EHBP1: variants seen among roughly 807,000 people sequenced by gnomAD.
EHBP1 encodes the protein EH domain-binding protein 1.
A neutral mutation model predicts 144.0 loss-of-function variants in EHBP1; 55 were observed. The observed-to-expected ratio is 0.38, with a 90% CI of 0.31 to 0.48. EHBP1 has a LOEUF of 0.48. Ranked by LOEUF, EHBP1 falls within the 20% of genes least tolerant of loss-of-function variation. The probability of loss-of-function intolerance (pLI) is 0.98; values close to 1 mark genes in which losing one functional copy is unlikely to be tolerated. For synonymous variants in EHBP1, 469 were observed against 472.7 expected, an observed-to-expected ratio of 0.99 and a Z score of 0.10; for missense variants, 1,200 against 1,364.2, an observed-to-expected ratio of 0.88 and a Z score of 1.90.
intron 5 of EHBP1, among the ~76,000 whole-genome samples, chr2:62,785,331 A>T (rs1291748108): frequency 6.6e-6 from 1 of 152,234 alleles, no homozygotes; most frequent in Non-Finnish European, 1.5e-5. Context: ...CAGATAGGCA[A>T]CTGATTCAGT....
At chr2:62,891,894 A>G (rs1316404493) in intron 10 of EHBP1, among the ~76,000 whole-genome samples, 1 of 152,162 alleles carries the variant, frequency 6.6e-6, no homozygotes, top group Admixed American at 6.5e-5. Flanking sequence ...TAATGATCTT[A>G]TTGAAAAGCA....
intron 15 of EHBP1, among the ~76,000 whole-genome samples, chr2:62,983,334 A>T (rs910593253): frequency 6.6e-6 from 1 of 152,058 alleles, no homozygotes; most frequent in Admixed American, 6.6e-5. Context: ...TACGTATTAA[A>T]TTTTTGTTAA....
chr2:62,960,260 A>AT (rs1291387769), intron 14 of EHBP1, among the ~76,000 whole-genome samples: 1 of 151,834 alleles, frequency 6.6e-6, no homozygotes, highest in African/African-American at 2.4e-5. Context: ...TTACAGCCTC[A>AT]TTTCTTACCT....
chr2:62,751,558 A>G (rs756054972), intron 3 of EHBP1, among the ~76,000 whole-genome samples: 5 of 152,156 alleles, frequency 3.3e-5, no homozygotes, highest in Non-Finnish European at 4.4e-5. Flanking sequence ...CAGAAGGAAT[A>G]GTACCAGCTC....
At chr2:62,742,523 A>G (rs1241660859) in intron 2 of EHBP1, among the ~76,000 whole-genome samples, 2 of 152,096 alleles carry the variant, frequency 1.3e-5, no homozygotes, top group African/African-American at 4.8e-5. Context: ...ATGTAGAAAA[A>G]AATGAGTGGT....
In EHBP1 at chr2:62,823,606, G is replaced by T. The variant is rs565088130; in HGVS notation, c.313-2481G>T. ...ATGATGTCCATCTTGGGTGGGTACA[G>T]ATTTAGACTTGGTGGTTATAAAGAA... On this transcript the variant is annotated intron_variant, in intron 5 of 22. Coordinates refer to ENST00000431489, the MANE Select transcript of EHBP1 (RefSeq NM_001142616.3). 1.6e-4 allele frequency among the ~76,000 whole-genome samples: 25 copies of T among 152,224 alleles called. No individual in the cohort carries two copies. In the South Asian group the frequency reaches 5.2e-3, roughly 32 times the overall value.
intron 19 of EHBP1, among the ~76,000 whole-genome samples, chr2:63,014,110 AT>A (rs139336476): frequency 6.6e-6 from 1 of 152,300 alleles, no homozygotes; most frequent in East Asian, 1.9e-4. Context: ...TTGTCACAAG[AT>A]TATTAGAAAG....
intron 6 of EHBP1, among the ~76,000 whole-genome samples, chr2:62,830,018 A>G (rs1325995476): frequency 1.3e-4 from 20 of 151,088 alleles, no homozygotes; most frequent in Non-Finnish European, 2.4e-4. Flanking sequence ...ATAAGTTATT[A>G]CAGGAAAAAG....
At chr2:62,802,592 C>A (rs532416235) in intron 5 of EHBP1, among the ~76,000 whole-genome samples, 1 of 151,784 alleles carries the variant, frequency 6.6e-6, no homozygotes, top group Non-Finnish European at 1.5e-5. Flanking sequence ...AATAAAGAAA[C>A]GTATAAAGTA....
intron 10 of EHBP1, among the ~76,000 whole-genome samples, chr2:62,880,933 C>T (rs2051353252): frequency 6.6e-6 from 1 of 151,968 alleles, no homozygotes; most frequent in Admixed American, 6.6e-5. Flanking sequence ...CCCAAACATA[C>T]TAGGTATGTT....
At chr2:62,781,800 G>A (rs1341405442) in intron 5 of EHBP1, among the ~76,000 whole-genome samples, 3 of 152,150 alleles carry the variant, frequency 2.0e-5, no homozygotes, top group Non-Finnish European at 4.4e-5. Flanking sequence ...TTAGGCCAGT[G>A]TGATGTTAAC....
chr2:62,795,930 A>G (rs1294182148), intron 5 of EHBP1, among the ~76,000 whole-genome samples: 1 of 151,924 alleles, frequency 6.6e-6, no homozygotes, highest in African/African-American at 2.4e-5. Context: ...AGATTGTAAC[A>G]TTGTTCTCAC....
At chr2:62,750,322 T>C (rs1299747011) in intron 3 of EHBP1, among the ~76,000 whole-genome samples, 1 of 152,208 alleles carries the variant, frequency 6.6e-6, no homozygotes, top group Non-Finnish European at 1.5e-5. Context: ...CTGAGGGCTC[T>C]GTTCTGTTCT....
At chr2:62,934,383 A>G (rs2056222402) in intron 10 of EHBP1, among the ~76,000 whole-genome samples, 1 of 152,222 alleles carries the variant, frequency 6.6e-6, no homozygotes, top group Admixed American at 6.5e-5. Flanking sequence ...TATAAAGTGC[A>G]CATTCAATTT....
chr2:62,875,961 C>A (rs1418894902), intron 10 of EHBP1, among the ~76,000 whole-genome samples: 1 of 152,130 alleles, frequency 6.6e-6, no homozygotes, highest in Admixed American at 6.5e-5. Flanking sequence ...ACTAACAAAT[C>A]CCCTAAGACA....
At position 62,832,664 on chromosome 2, in the gene EHBP1, G is replaced by T. The variant is rs965842568; in HGVS notation, c.634+1506G>T. On this transcript the variant is annotated intron_variant, in intron 7 of 22. Transcript: ENST00000431489. Reference sequence around the variant, plus strand: ...ACCAATGATCTTTGATGTTACTATTGTAATTATTTTGAGGTGCCATGAATT... The same window carrying T: ...ACCAATGATCTTTGATGTTACTATTTTAATTATTTTGAGGTGCCATGAATT... Among the ~76,000 whole-genome samples the T allele has an allele frequency of 5.3e-5, 8 of 151,986 alleles. No homozygotes were observed. The South Asian group carries it at 1.5e-3, about 28-fold the overall frequency.
intron 10 of EHBP1, among the ~76,000 whole-genome samples, chr2:62,897,447 T>G (rs2053032161): frequency 6.6e-6 from 1 of 152,222 alleles, no homozygotes; most frequent in Non-Finnish European, 1.5e-5. Context: ...GTTGGATAAA[T>G]TTTCTGAAGT....
At chr2:62,996,063 CAG>C (rs1477550651) in intron 18 of EHBP1, among the ~76,000 whole-genome samples, 1 of 151,928 alleles carries the variant, frequency 6.6e-6, no homozygotes, top group Non-Finnish European at 1.5e-5. Flanking sequence ...GTACAGGAGC[CAG>C]CTGGAGGGAA....
chr2:62,849,723 G>A (rs1418263263), intron 7 of EHBP1, among the ~76,000 whole-genome samples: 2 of 152,064 alleles, frequency 1.3e-5, no homozygotes, highest in East Asian at 1.9e-4. Flanking sequence ...CATTTACAAC[G>A]TACATTAAGT....
Sources: allele counts gnomAD v4.1 joint callset (sites outside exome capture counted in the v4.1 genomes callset), GRCh38; gene constraint gnomAD v4.1.1; transcripts MANE v1.5; gene names NCBI Gene and HGNC (gene_info 2026-07-23, HGNC 2026-07-21).